Variants in MAP3K15 observed in about 807,000 individuals in gnomAD.
MAP3K15 encodes MAPK/ERK kinase kinase 15.
A neutral mutation model predicts 99.5 loss-of-function variants in MAP3K15; 124 were observed. The observed-to-expected ratio is 1.25, with a 90% confidence interval of 1.08 to 1.45. The LOEUF is 1.45. Among genes scored for constraint, MAP3K15 ranks in the 40% most tolerant of loss-of-function variants. The pLI is 0.00. For synonymous variants in MAP3K15, 494 were observed against 439.6 expected (o/e 1.12, Z -1.55); for missense variants, 1,242 against 1,079.7 (o/e 1.15, Z -2.11).
chrX:19,503,373 T>C (rs934617204), intron 1 of MAP3K15, among the ~76,000 whole-genome samples: 1 of 112,118 alleles, frequency 8.9e-6, no homozygotes. Flanking sequence ...CAGGTCCATC[T>C]TCCTCTGAAC....
intron 6 of MAP3K15, among the ~76,000 whole-genome samples, chrX:19,446,253 T>C (rs1194496501): frequency 8.9e-6 from 1 of 112,178 alleles, no homozygotes; most frequent in African/African-American, 3.2e-5. Flanking sequence ...CAACAACAAA[T>C]AGGACTGAGA....
At chrX:19,449,583 T>G (rs1397704381) in intron 6 of MAP3K15, among the ~76,000 whole-genome samples, 1 of 108,808 alleles carries the variant, frequency 9.2e-6, no homozygotes, top group Non-Finnish European at 1.9e-5. Flanking sequence ...TTGCTAAACA[T>G]CTTACTATAC....
chrX:19,418,310 C>T (rs767953111), intron 9 of MAP3K15, among the ~76,000 whole-genome samples: 22 of 110,568 alleles, frequency 2.0e-4, no homozygotes, highest in African/African-American at 3.6e-4. Flanking sequence ...ATTAGACAAA[C>T]GGCTAACTAG....
chrX:19,418,600 C>G (rs1373394130), intron 9 of MAP3K15, among the ~76,000 whole-genome samples: 1 of 111,163 alleles, frequency 9.0e-6, no homozygotes, highest in Non-Finnish European at 1.9e-5. Flanking sequence ...TGGAACCAAG[C>G]TGGAAAACAC....
chrX:19,400,601 C>T lies in MAP3K15; in HGVS notation c.1907G>A (p.Gly636Glu). The T allele has an allele frequency of 8.3e-7, 1 of 1,207,154 alleles. No homozygotes were observed. The highest frequency in any genetic ancestry group is 1.1e-6 in the Non-Finnish European group (1 of 892,137). The change falls in exon 14 of 29, where the codon GGA (glycine) becomes GAA (glutamate). Residue 636 changes from glycine to glutamate, a missense_variant. Transcript: ENST00000338883. ...CTCCAAGGTGTCTCCATCGGTCTCT[C>T]CCTCCAGCTCCACCGTACTGCCTGC... ...NTAGSTVELE[G>E]ETDGDTLEYE... is the part of the protein sequence containing the mutation.
intron 1 of MAP3K15, among the ~76,000 whole-genome samples, chrX:19,507,575 C>CAAAAAAAAAAA (rs1165492097): frequency 3.7e-4 from 4 of 10,897 alleles, no homozygotes; most frequent in African/African-American, 6.5e-4. Context: ...CACCTTGTCT[C>CAAAAAAAAAAA]AAAAAAAAAA....
chrX:19,463,984 T>C (rs1410808379), intron 4 of MAP3K15, among the ~76,000 whole-genome samples: 1 of 111,000 alleles, frequency 9.0e-6, no homozygotes, highest in African/African-American at 3.3e-5. Context: ...AGAAGTTACA[T>C]GTCAAGATCA....
At position 19,485,686 on chromosome X, in the gene MAP3K15, G is replaced by A. The variant is rs766890081; in HGVS notation, c.525+796C>T. On this transcript the variant is annotated intron_variant, in intron 3 of 28. Coordinates refer to ENST00000338883, the MANE Select transcript of MAP3K15 (RefSeq NM_001001671.4). Reference sequence around the variant, plus strand: ...CTCCCTCTCCTAGGAACTCCAACTGGAATAGGAAGAGAGTCTGTAGGCCTG... The same window carrying A: ...CTCCCTCTCCTAGGAACTCCAACTGAAATAGGAAGAGAGTCTGTAGGCCTG... 1.4e-4 allele frequency among the ~76,000 whole-genome samples: 16 copies of A among 110,710 alleles called. No homozygotes were observed. The Middle Eastern group carries it at 0.014, about 96-fold the overall frequency.
At chrX:19,488,106 G>C (rs924360802) in intron 2 of MAP3K15, among the ~76,000 whole-genome samples, 2 of 111,687 alleles carry the variant, frequency 1.8e-5, no homozygotes, top group South Asian at 7.5e-4. Flanking sequence ...TTCCTAAAAT[G>C]ATTTAACATA....
intron 7 of MAP3K15, among the ~76,000 whole-genome samples, chrX:19,426,818 C>CAAAAA (rs746106862): frequency 1.4e-4 from 3 of 21,141 alleles, no homozygotes; most frequent in African/African-American, 6.2e-4. Flanking sequence ...AATCTGTCTC[C>CAAAAA]AAAAAAAAAA....
At chrX:19,399,761 A>AAAC (rs2063595428) in intron 14 of MAP3K15, among the ~76,000 whole-genome samples, 1 of 105,259 alleles carries the variant, frequency 9.5e-6, no homozygotes, top group African/African-American at 3.5e-5. Flanking sequence ...AAAAAAAAAA[A>AAAC]AAAAACATGG....
intron 13 of MAP3K15, among the ~76,000 whole-genome samples, chrX:19,403,187 A>C (rs2063621397): frequency 9.0e-6 from 1 of 111,258 alleles, no homozygotes; most frequent in South Asian, 3.8e-4. Context: ...AAATTTATCA[A>C]GCTGTACACT....
chrX:19,487,659 T>C (rs1409987360), intron 2 of MAP3K15, among the ~76,000 whole-genome samples: 1 of 112,137 alleles, frequency 8.9e-6, no homozygotes, highest in African/African-American at 3.2e-5. Context: ...TACATATCTA[T>C]GTAAAGTATA....
intron 3 of MAP3K15, among the ~76,000 whole-genome samples, chrX:19,480,240 T>C (rs763787719): frequency 3.5e-4 from 39 of 111,762 alleles, no homozygotes; most frequent in Admixed American, 6.7e-4. Flanking sequence ...GCAATCCTTA[T>C]CAATATTCAA....
intron 1 of MAP3K15, among the ~76,000 whole-genome samples, chrX:19,509,302 T>C (rs972364606): frequency 2.7e-5 from 3 of 111,744 alleles, no homozygotes; most frequent in Non-Finnish European, 3.8e-5. Flanking sequence ...ACATTCTTCT[T>C]AGCGCCACAT....
At chrX:19,475,159 G>A (rs781020293) in intron 3 of MAP3K15, among the ~76,000 whole-genome samples, 28 of 110,706 alleles carry the variant, frequency 2.5e-4, no homozygotes, top group South Asian at 1.2e-3. Context: ...ACAACTAGAC[G>A]GTCCCATCTG....
chrX:19,361,238 C>T lies in MAP3K15; in HGVS notation c.3857+101G>A, dbSNP rs5955550. On this transcript the variant is annotated intron_variant, in intron 28 of 28. Coordinates refer to ENST00000338883, the MANE Select transcript of MAP3K15 (RefSeq NM_001001671.4). The stretch of plus-strand genomic sequence containing the variant: ...TCCCAGCTTGAACCTAATAGAACTC[C>T]AGAGTTTGGGGGGAGGCCCAGCCCT... The T allele has an allele frequency of 1.4e-4, 96 of 697,545 alleles. 2 individuals are homozygous for T. Among genetic ancestry groups the T allele is most frequent in the Middle Eastern group, 1.0e-3 (2 of 1,985 alleles). The allele number at this position is 697,545 out of a possible 1,213,427, so 57.5% of individuals were successfully genotyped here.
At chrX:19,441,136 A>C (rs1004907038) in intron 6 of MAP3K15, among the ~76,000 whole-genome samples, 2 of 112,376 alleles carry the variant, frequency 1.8e-5, no homozygotes, top group Admixed American at 1.9e-4. Context: ...TAAGGAAGCC[A>C]GACACACACA....
chrX:19,416,831 T>C (rs896694680), intron 9 of MAP3K15, among the ~76,000 whole-genome samples: 3 of 112,262 alleles, frequency 2.7e-5, no homozygotes, highest in Non-Finnish European at 5.6e-5. Context: ...TTGGTGAATT[T>C]TCAACTGAGC....
Sources: allele counts gnomAD v4.1 joint callset (sites outside exome capture counted in the v4.1 genomes callset), GRCh38; gene constraint gnomAD v4.1.1; transcripts MANE v1.5; gene names NCBI Gene and HGNC (gene_info 2026-07-23, HGNC 2026-07-21).